SP4: variants seen among roughly 807,000 people sequenced by gnomAD.
SP4 encodes Sp4 transcription factor.
In SP4, 19 loss-of-function variants were observed where a neutral mutation model predicts 72.8. The observed-to-expected ratio is 0.26, with a 90% CI of 0.18 to 0.38. The LOEUF (loss-of-function observed/expected upper bound fraction) is 0.38. SP4 is among the 10% of genes least tolerant of loss of function. The pLI is 1.00. For synonymous variants in SP4, 395 were observed against 333.1 expected (o/e 1.19, Z -2.02); for missense variants, 1,008 against 926.3 (o/e 1.09, Z -1.14).
At chr7:21,477,851 T>C (rs1013725004) in intron 4 of SP4, among the ~76,000 whole-genome samples, 14 of 152,284 alleles carry the variant, frequency 9.2e-5, no homozygotes, top group Admixed American at 9.2e-4. Flanking sequence ...ATTTTTTTTC[T>C]TTTTCATAAA....
chr7:21,510,692 A>T (rs1782119152), intron 5 of SP4, among the ~76,000 whole-genome samples: 1 of 152,210 alleles, frequency 6.6e-6, no homozygotes, highest in Non-Finnish European at 1.5e-5. Flanking sequence ...TATTTGTTAC[A>T]TCTGATAGAG....
intron 3 of SP4, among the ~76,000 whole-genome samples, chr7:21,471,592 G>T (rs1231175635): frequency 3.9e-5 from 6 of 152,286 alleles, no homozygotes; most frequent in East Asian, 1.9e-4. Flanking sequence ...CCAGCTACTT[G>T]GGAGGCTGAG....
intron 3 of SP4, among the ~76,000 whole-genome samples, chr7:21,433,102 C>T (rs2128390145): frequency 6.6e-6 from 1 of 152,294 alleles, no homozygotes; most frequent in South Asian, 2.1e-4. Flanking sequence ...TCGTTTGTGC[C>T]TCAGAGAACA....
chr7:21,494,110 G>A (rs930105091), intron 5 of SP4, among the ~76,000 whole-genome samples: 1 of 152,126 alleles, frequency 6.6e-6, no homozygotes, highest in African/African-American at 2.4e-5. Flanking sequence ...AAAATTCTCA[G>A]CAAACTGAGT....
At chr7:21,433,480 C>G (rs896913419) in intron 3 of SP4, among the ~76,000 whole-genome samples, 2 of 152,224 alleles carry the variant, frequency 1.3e-5, no homozygotes, top group Non-Finnish European at 2.9e-5. Flanking sequence ...GATTTTACCC[C>G]ATTGCCTAGC....
intron 4 of SP4, among the ~76,000 whole-genome samples, chr7:21,481,317 C>G (rs538673264): frequency 2.1e-4 from 32 of 152,300 alleles, no homozygotes; most frequent in African/African-American, 7.5e-4. Context: ...GCACCAGTCT[C>G]TAATGTTCCT....
In SP4 at chr7:21,432,641, T is replaced by G. The variant is rs572937567; in HGVS notation, c.1678+1798T>G. On this transcript the variant is annotated intron_variant, in intron 3 of 5. Transcript: ENST00000222584. ...GGATCCAGTTTTTGGTACTGTAAGT[T>G]TTGAATTGTGGGGGTCAAGGGATTT... Among the ~76,000 whole-genome samples the G allele has an allele frequency of 3.9e-5, 6 of 152,204 alleles. 1 individual carries two copies. The South Asian group carries it at 1.2e-3, about 32-fold the overall frequency.
At chr7:21,449,644 A>G (rs917948188) in intron 3 of SP4, among the ~76,000 whole-genome samples, 8 of 152,212 alleles carry the variant, frequency 5.3e-5, no homozygotes, top group African/African-American at 1.9e-4. Context: ...TTGGAAGATG[A>G]CAAATTCTCA....
chr7:21,493,980 A>G (rs1785042403), intron 5 of SP4, among the ~76,000 whole-genome samples: 1 of 152,202 alleles, frequency 6.6e-6, no homozygotes, highest in Non-Finnish European at 1.5e-5. Flanking sequence ...TCCAAGAATG[A>G]AAAGCTGTTT....
At chr7:21,472,144 G>C (rs1382776879) in intron 3 of SP4, among the ~76,000 whole-genome samples, 1 of 152,208 alleles carries the variant, frequency 6.6e-6, no homozygotes, top group East Asian at 1.9e-4. Flanking sequence ...GCACAGATCT[G>C]TGAGTTAATC....
At chr7:21,493,557 C>T (rs1178037101) in intron 5 of SP4, among the ~76,000 whole-genome samples, 10 of 152,046 alleles carry the variant, frequency 6.6e-5, no homozygotes, top group Admixed American at 4.6e-4. Flanking sequence ...AAAAAGAATG[C>T]TATGCATAAC....
chr7:21,462,729 C>CTTTGGGGGCCAAA (rs1373271847), intron 3 of SP4, among the ~76,000 whole-genome samples: 1 of 152,156 alleles, frequency 6.6e-6, no homozygotes, highest in Non-Finnish European at 1.5e-5. Flanking sequence ...TAGGGTTACA[C>CTTTGGGGGCCAAA]CTGGTCTTTG....
chr7:21,482,107 T>C lies in SP4; in HGVS notation c.2091T>C (p.His697=), dbSNP rs551181654. 5.0e-6 allele frequency: 8 copies of C among 1,613,848 alleles called. No homozygotes were observed. The highest frequency in any genetic ancestry group is 2.2e-5 in the South Asian group (2 of 91,070). The change falls in exon 5 of 6, where the codon CAT becomes CAC. Residue 697 remains histidine (H), a synonymous_variant. Coordinates refer to ENST00000222584, the MANE Select transcript of SP4 (RefSeq NM_003112.5). ...CACGGAGTGATGAGCTCCAGAGACA[T>C]AGAAGAACCCATACAGGTTAGTTGA... ...RFTRSDELQR[H]RRTHTGEKRF... is the part of the protein sequence containing the mutation.
rs528418197 is a variant in SP4, at chr7:21,471,081, A to G, written c.1679-5998A>G. The G allele has an allele frequency of 9.3e-6, 5 of 534,830 alleles. No individual in the cohort carries two copies. In the African/African-American group the frequency reaches 9.6e-5, roughly 10 times the overall value. 33.1% of individuals were successfully genotyped at this position (534,830 alleles called of 1,614,324 possible). ...ATATTATTCAAATGCTCGGAGACAC[A>G]GAACATTAGAGAAGACAGGAGTTCA... is the stretch of plus-strand genomic sequence containing the variant. On this transcript the variant is annotated intron_variant, in intron 3 of 5. Coordinates refer to ENST00000222584, the MANE Select transcript of SP4 (RefSeq NM_003112.5).
intron 3 of SP4, among the ~76,000 whole-genome samples, chr7:21,431,797 C>G (rs1782864989): frequency 6.6e-6 from 1 of 152,138 alleles, no homozygotes. Context: ...TTGATACTTC[C>G]AGACCTTGTT....
intron 5 of SP4, among the ~76,000 whole-genome samples, chr7:21,496,745 G>A (rs1583443842): frequency 6.6e-6 from 1 of 152,066 alleles, no homozygotes; most frequent in East Asian, 1.9e-4. Context: ...AAACACCTTG[G>A]AACTAATGAG....
chr7:21,512,625 G>C lies in SP4; in HGVS notation c.*1356G>C, dbSNP rs977836999. The C allele has an allele frequency of 6.8e-6, 1 of 146,710 alleles. No homozygotes were observed. The highest frequency in any genetic ancestry group is 2.5e-5 in the African/African-American group (1 of 39,292). 9.1% of individuals were successfully genotyped at this position (146,710 alleles called of 1,614,324 possible). A position where few individuals can be genotyped will look rare whatever the true frequency, so the allele number is the denominator to read the frequency against. On this transcript the variant is annotated 3_prime_UTR_variant, in exon 6 of 6. Transcript: ENST00000222584. ...TGCCCAGGCTGGAGTGCAATGGCAC[G>C]ATCTCAGCTTACTGCAACCGCCGCC... is the stretch of plus-strand genomic sequence containing the variant.
chr7:21,487,762 ATGGTGGTGGTGGTGGTGG>A (rs745424097), intron 5 of SP4, among the ~76,000 whole-genome samples: 3 of 71,260 alleles, frequency 4.2e-5, no homozygotes, highest in South Asian at 3.4e-4. Context: ...GATGATGATG[ATGGTGGTGGTGGTGGTGG>A]TGGTGGTGGT....
intron 3 of SP4, among the ~76,000 whole-genome samples, chr7:21,458,050 G>A (rs1246257344): frequency 1.3e-5 from 2 of 152,200 alleles, no homozygotes; most frequent in Non-Finnish European, 2.9e-5. Flanking sequence ...TTTCGAAGAA[G>A]AAATGTTGGG....
Sources: gnomAD v4.1 joint callset for allele counts (sites outside exome capture counted in the v4.1 genomes callset) on GRCh38, gnomAD v4.1.1 for gene constraint, MANE v1.5 for transcripts, NCBI Gene and HGNC (gene_info 2026-07-23, HGNC 2026-07-21) for gene names.